ADK: variants seen among roughly 807,000 people sequenced by gnomAD.
ADK encodes the protein N6,N6-dimethyladenosine kinase.
ADK carries 24 observed loss-of-function variants against 44.7 expected under a neutral mutation model. The observed-to-expected ratio is 0.54, with a 90% CI of 0.39 to 0.76. The LOEUF is 0.76. Ranked by LOEUF, ADK falls within the 30% of genes least tolerant of loss-of-function variation. The pLI is 0.00. For missense variants in ADK, 321 were observed against 425.1 expected, an observed-to-expected ratio of 0.76 and a Z score of 2.15; for synonymous variants, 128 against 142.6, an observed-to-expected ratio of 0.90 and a Z score of 0.73.
At chr10:74,464,769 G>A (rs1846293118) in intron 6 of ADK, among the ~76,000 whole-genome samples, 1 of 152,038 alleles carries the variant, frequency 6.6e-6, no homozygotes, top group African/African-American at 2.4e-5. Context: ...GGTTACTTGA[G>A]CTCAACAGTT....
chr10:74,471,213 T>A lies in ADK; in HGVS notation c.556-54043T>A, dbSNP rs547230535. ...CCTCAGCCTCCCAAGTAGCTGGGAC[T>A]ACAAGCACCTGCCACCACGCCTGGC... On this transcript the variant is annotated intron_variant, in intron 6 of 10. Coordinates refer to ENST00000539909, the MANE Select transcript of ADK (RefSeq NM_006721.4). 1.3e-3 allele frequency among the ~76,000 whole-genome samples: 193 copies of A among 152,172 alleles called. 1 individual carries two copies. Among genetic ancestry groups the A allele is most frequent in the African/African-American group, 4.4e-3 (181 of 41,508 alleles).
intron 6 of ADK, among the ~76,000 whole-genome samples, chr10:74,488,264 A>G (rs1361839438): frequency 6.6e-6 from 1 of 151,918 alleles, no homozygotes; most frequent in African/African-American, 2.4e-5. Flanking sequence ...ATAATACTAC[A>G]TCACTGCCAC....
chr10:74,386,898 C>T (rs982881484), intron 4 of ADK, among the ~76,000 whole-genome samples: 13 of 151,950 alleles, frequency 8.6e-5, no homozygotes, highest in Admixed American at 7.9e-4. Context: ...AACACAGTGA[C>T]GTCTATCAGA....
chr10:74,705,612 A>G (rs1856575643), intron 10 of ADK, among the ~76,000 whole-genome samples: 2 of 152,190 alleles, frequency 1.3e-5, no homozygotes, highest in African/African-American at 4.8e-5. Context: ...TTCATTTACA[A>G]GTCTTTGTGT....
At chr10:74,365,385 C>G (rs544275746) in intron 4 of ADK, among the ~76,000 whole-genome samples, 198 of 152,212 alleles carry the variant, frequency 1.3e-3, no homozygotes, top group Non-Finnish European at 2.4e-3. Context: ...TATATGTGAC[C>G]TTTTCTGTCT....
intron 6 of ADK, among the ~76,000 whole-genome samples, chr10:74,406,550 G>T (rs879627814): frequency 0.043 from 6,406 of 150,174 alleles, 181 homozygotes; most frequent in African/African-American, 0.054. Flanking sequence ...AGAAGAAGAA[G>T]AAGAAGAAGA....
intron 1 of ADK, among the ~76,000 whole-genome samples, chr10:74,188,508 C>G (rs1842846706): frequency 6.6e-6 from 1 of 151,526 alleles, no homozygotes; most frequent in African/African-American, 2.4e-5. Context: ...GCCACCACAC[C>G]CGGCTAATTT....
chr10:74,235,761 A>G (rs958197361), intron 3 of ADK, among the ~76,000 whole-genome samples: 12 of 152,182 alleles, frequency 7.9e-5, no homozygotes, highest in Admixed American at 2.0e-4. Context: ...TCCAAAACTA[A>G]TGTTGAAATT....
intron 2 of ADK, among the ~76,000 whole-genome samples, chr10:74,206,166 C>T (rs551823044): frequency 1.3e-5 from 2 of 152,122 alleles, no homozygotes; most frequent in South Asian, 2.1e-4. Flanking sequence ...GAAATTTTAT[C>T]GTGTATTTCA....
intron 1 of ADK, among the ~76,000 whole-genome samples, chr10:74,157,163 G>A (rs1464737425): frequency 6.6e-6 from 1 of 152,192 alleles, no homozygotes; most frequent in East Asian, 1.9e-4. Context: ...CCCACTATCA[G>A]CTAGTACAAG....
chr10:74,338,885 A>C (rs1198159179), intron 4 of ADK, among the ~76,000 whole-genome samples: 1 of 152,136 alleles, frequency 6.6e-6, no homozygotes, highest in Non-Finnish European at 1.5e-5. Flanking sequence ...ACAGCTGATA[A>C]GATTTTATAG....
chr10:74,564,847 T>C (rs1850593753), intron 7 of ADK, among the ~76,000 whole-genome samples: 1 of 152,158 alleles, frequency 6.6e-6, no homozygotes, highest in South Asian at 2.1e-4. Flanking sequence ...AGAGAATTAA[T>C]CGCCCCTGCC....
chr10:74,430,827 C>A (rs531098484), intron 6 of ADK, among the ~76,000 whole-genome samples: 3 of 151,672 alleles, frequency 2.0e-5, no homozygotes, highest in African/African-American at 2.4e-5. Context: ...AGCACAGAGG[C>A]CTTGAGAAGG....
intron 9 of ADK, among the ~76,000 whole-genome samples, chr10:74,628,502 T>G (rs1853297696): frequency 1.3e-5 from 2 of 151,596 alleles, no homozygotes; most frequent in Non-Finnish European, 2.9e-5. Flanking sequence ...GAGGCAGATG[T>G]TCTGAAGAAT....
Position 74,170,799 on chromosome 10 carries a change from C to CA in ADK, c.65+19472dup, listed in dbSNP as rs938297412. Among the ~76,000 whole-genome samples the CA allele has an allele frequency of 4.6e-3, 238 of 52,042 alleles. 1 individual carries two copies. The highest frequency in any genetic ancestry group is 0.039 in the Middle Eastern group (4 of 102). 34.1% of individuals were successfully genotyped at this position (52,042 alleles called of 152,430 possible). A position where few individuals can be genotyped will look rare whatever the true frequency, so the allele number is the denominator to read the frequency against. On this transcript the variant is annotated intron_variant, in intron 1 of 10. Transcript: ENST00000539909. ...TGGGCGACAGAGCAAGACTCCATCT[C>CA]AAAAAAAAAAAAAAAAGAAAAAAGA...
intron 7 of ADK, among the ~76,000 whole-genome samples, chr10:74,571,699 C>T (rs187275367): frequency 0.025 from 3,867 of 152,016 alleles, 129 homozygotes; most frequent in African/African-American, 0.073. Context: ...GTCTTGCTAG[C>T]GGTCTATCAA....
At chr10:74,530,070 A>G (rs1405916577) in intron 7 of ADK, among the ~76,000 whole-genome samples, 2 of 152,172 alleles carry the variant, frequency 1.3e-5, no homozygotes, top group Non-Finnish European at 2.9e-5. Flanking sequence ...TTTAAATGTT[A>G]GTAGACTCTA....
intron 3 of ADK, among the ~76,000 whole-genome samples, chr10:74,281,513 A>G (rs1846935221): frequency 6.6e-6 from 1 of 152,238 alleles, no homozygotes; most frequent in Non-Finnish European, 1.5e-5. Flanking sequence ...AAAAGTCATC[A>G]CACTAAAGAT....
intron 7 of ADK, among the ~76,000 whole-genome samples, chr10:74,563,229 C>T (rs1163279322): frequency 1.3e-5 from 2 of 152,114 alleles, no homozygotes; most frequent in African/African-American, 4.8e-5. Context: ...CACCTGACTT[C>T]TTTCTGTTTT....
Sources: gnomAD v4.1 joint callset for allele counts (sites outside exome capture counted in the v4.1 genomes callset) on GRCh38, gnomAD v4.1.1 for gene constraint, MANE v1.5 for transcripts, NCBI Gene and HGNC (gene_info 2026-07-23, HGNC 2026-07-21) for gene names.